Variants in TLL2 observed in about 807,000 individuals in gnomAD.
The protein encoded by TLL2 is tolloid like 2.
TLL2 carries 106 observed loss-of-function variants against 123.0 expected under a neutral mutation model. The observed-to-expected ratio is 0.86, with a 90% CI of 0.74 to 1.01. The LOEUF (loss-of-function observed/expected upper bound fraction) is 1.01, where lower values mean the gene tolerates loss of function less well. Ranked by LOEUF, TLL2 falls within the 50% of genes least tolerant of loss-of-function variation. The probability of loss-of-function intolerance (pLI) is 0.00; values close to 1 mark genes in which losing one functional copy is unlikely to be tolerated. For synonymous variants in TLL2, 494 were observed against 516.8 expected (o/e 0.96, Z 0.60); for missense variants, 1,332 against 1,336.7 (o/e 1.00, Z 0.06).
chr10:96,381,839 T>A (rs1589406788), intron 16 of TLL2, among the ~76,000 whole-genome samples: 1 of 152,002 alleles, frequency 6.6e-6, no homozygotes, highest in East Asian at 1.9e-4. Flanking sequence ...ACTTGCTCAG[T>A]GAGAGACTGC....
At chr10:96,483,654 G>C (rs1222915542) in intron 1 of TLL2, among the ~76,000 whole-genome samples, 3 of 152,170 alleles carry the variant, frequency 2.0e-5, no homozygotes, top group African/African-American at 7.2e-5. Context: ...CTGGTACCAT[G>C]ACTGGACAGG....
rs1846754221 is a variant in TLL2, at chr10:96,432,466, C to A, written c.520+341G>T. Reference sequence around the variant, plus strand: ...TCCAGGCAGAGGACAGGGAAGCCAACCATGTGCAGTTGCTCAGGGACTTTC... The same window carrying A: ...TCCAGGCAGAGGACAGGGAAGCCAAACATGTGCAGTTGCTCAGGGACTTTC... On this transcript the variant is annotated intron_variant, in intron 4 of 20. Coordinates refer to ENST00000357947, the MANE Select transcript of TLL2 (RefSeq NM_012465.4). Among the ~76,000 whole-genome samples, 3 of 152,164 alleles carry A rather than the reference C, an allele frequency of 2.0e-5. No homozygotes were observed. In the South Asian group the frequency reaches 6.2e-4, roughly 32 times the overall value.
chr10:96,457,724 C>T (rs1847031477), intron 2 of TLL2, among the ~76,000 whole-genome samples: 1 of 152,106 alleles, frequency 6.6e-6, no homozygotes, highest in Admixed American at 6.5e-5. Context: ...CAGACCACAG[C>T]CTCCATGGCT....
chr10:96,408,338 C>A (rs1267016272), intron 9 of TLL2, among the ~76,000 whole-genome samples: 2 of 152,106 alleles, frequency 1.3e-5, no homozygotes, highest in South Asian at 2.1e-4. Context: ...AGGTGATACT[C>A]GAATCAATCA....
chr10:96,369,697 G>A (rs1846059970), intron 20 of TLL2, among the ~76,000 whole-genome samples: 1 of 150,590 alleles, frequency 6.6e-6, no homozygotes, highest in Non-Finnish European at 1.5e-5. Flanking sequence ...GGAGGCAGAG[G>A]TTGCAGTGAG....
At chr10:96,496,071 A>G (rs1194386641) in intron 1 of TLL2, among the ~76,000 whole-genome samples, 1 of 152,188 alleles carries the variant, frequency 6.6e-6, no homozygotes, top group Non-Finnish European at 1.5e-5. Flanking sequence ...TGCTTAAAAT[A>G]TTGCATCTAG....
At chr10:96,476,637 G>GAA (rs34174319) in intron 2 of TLL2, among the ~76,000 whole-genome samples, 10 of 149,548 alleles carry the variant, frequency 6.7e-5, no homozygotes, top group African/African-American at 9.9e-5. Context: ...CTTCTAAGAG[G>GAA]AAAAAAAAAT....
chr10:96,489,003 G>A (rs1423596532), intron 1 of TLL2, among the ~76,000 whole-genome samples: 1 of 152,236 alleles, frequency 6.6e-6, no homozygotes, highest in Non-Finnish European at 1.5e-5. Context: ...GAGAAGAGCA[G>A]GGCACTAAGG....
At position 96,384,508 on chromosome 10, in the gene TLL2, G is replaced by C. The variant is rs1846211824; in HGVS notation, c.2194+79C>G. On this transcript the variant is annotated intron_variant, in intron 16 of 20. Transcript: ENST00000357947. ...GGAGCAAGCAAAGAGAGAGAGGAGG[G>C]GGCCAGGGACCCCAGAGCCTGGAGT... 3.6e-6 allele frequency: 5 copies of C among 1,385,546 alleles called. No homozygotes were observed. The Admixed American group carries it at 9.9e-5, about 27-fold the overall frequency. The allele number at this position is 1,385,546 out of a possible 1,614,324, so 85.8% of individuals were successfully genotyped here.
intron 10 of TLL2, 101 bp from the exon 11 acceptor site, chr10:96,397,403 G>T: frequency 2.4e-6 from 2 of 819,754 alleles, no homozygotes; most frequent in Non-Finnish European, 1.9e-6. Flanking sequence ...GTGGTTTGAA[G>T]TGAGCAATAA....
At chr10:96,481,033 G>C (rs1040694457) in intron 1 of TLL2, among the ~76,000 whole-genome samples, 1 of 152,212 alleles carries the variant, frequency 6.6e-6, no homozygotes, top group Non-Finnish European at 1.5e-5. Context: ...TGGGTTCATG[G>C]GGATCACCCT....
At chr10:96,433,868 C>T (rs959774837) in intron 3 of TLL2, among the ~76,000 whole-genome samples, 4 of 152,210 alleles carry the variant, frequency 2.6e-5, no homozygotes, top group South Asian at 4.2e-4. Flanking sequence ...TTCCACCTCC[C>T]GGGTTCAAGC....
chr10:96,475,277 G>A (rs2134101037), intron 2 of TLL2, among the ~76,000 whole-genome samples: 1 of 152,332 alleles, frequency 6.6e-6, no homozygotes, highest in Admixed American at 6.5e-5. Context: ...AAAGCTGTCA[G>A]TGGCTTTTTG....
chr10:96,420,059 T>C (rs1024977955), intron 7 of TLL2, among the ~76,000 whole-genome samples: 1 of 152,212 alleles, frequency 6.6e-6, no homozygotes, highest in African/African-American at 2.4e-5. Flanking sequence ...TTCTCACCTA[T>C]TATTTATCAT....
intron 1 of TLL2, among the ~76,000 whole-genome samples, chr10:96,496,426 G>A (rs920392422): frequency 2.0e-5 from 3 of 152,110 alleles, no homozygotes; most frequent in Admixed American, 2.0e-4. Flanking sequence ...ACCTAGGAGA[G>A]CGCCCTACAC....
chr10:96,369,111 G>A (rs1168432865), intron 20 of TLL2, among the ~76,000 whole-genome samples: 1 of 152,242 alleles, frequency 6.6e-6, no homozygotes, highest in Non-Finnish European at 1.5e-5. Flanking sequence ...AAGCTTGAGC[G>A]ACCGGGCCTC....
intron 13 of TLL2, among the ~76,000 whole-genome samples, chr10:96,393,670 T>A (rs1260744194): frequency 2.0e-5 from 3 of 152,120 alleles, no homozygotes; most frequent in African/African-American, 7.2e-5. Flanking sequence ...ATATCTTCCC[T>A]GTGCAATCAG....
At chr10:96,465,334 C>G (rs994624287) in intron 2 of TLL2, among the ~76,000 whole-genome samples, 3 of 152,152 alleles carry the variant, frequency 2.0e-5, no homozygotes, top group African/African-American at 7.2e-5. Flanking sequence ...CTAATGTGGT[C>G]CCACCTCACT....
At position 96,395,307 on chromosome 10, in the gene TLL2, C is replaced by G. The variant is rs764799868; in HGVS notation, c.1606G>C (p.Gly536Arg). The stretch of plus-strand genomic sequence containing the variant: ...GGCTTCTCATAGCCACAAAAGTGGC[C>G]GATCAGGGCACTCTCTTCCGTGGGG... ...DGPTEESALI[G>R]HFCGYEKPED... is the part of the protein sequence containing the mutation. The change falls in exon 13 of 21, where the codon GGC becomes CGC. Residue 536 changes from glycine (G) to arginine (R), a missense_variant. By Grantham distance (125) the Gly-to-Arg change is moderately radical. Coordinates refer to ENST00000357947, the MANE Select transcript of TLL2 (RefSeq NM_012465.4). 4.3e-6 allele frequency: 7 copies of G among 1,613,998 alleles called. No individual in the cohort carries two copies. The highest frequency in any genetic ancestry group is 5.9e-6 in the Non-Finnish European group (7 of 1,179,984).
Sources: allele counts gnomAD v4.1 joint callset (sites outside exome capture counted in the v4.1 genomes callset), GRCh38; gene constraint gnomAD v4.1.1; transcripts MANE v1.5; gene names NCBI Gene and HGNC (gene_info 2026-07-23, HGNC 2026-07-21).